The following HNF4A variants were observed in gnomAD, a reference collection of about 807,000 sequenced individuals.
HNF4A encodes the protein hepatocyte nuclear factor 4-alpha.
HNF4A carries 15 observed loss-of-function variants against 52.4 expected under a neutral mutation model. That is an observed-to-expected ratio of 0.29 (90% CI 0.19 to 0.44). The LOEUF (loss-of-function observed/expected upper bound fraction) is 0.44, where lower values mean the gene tolerates loss of function less well. HNF4A is among the 20% of genes least tolerant of loss of function. HNF4A has a pLI of 1.00. For missense variants in HNF4A, 479 were observed against 647.2 expected (o/e 0.74, Z 2.82); for synonymous variants, 280 against 264.4 (o/e 1.06, Z -0.57).
intron 2 of HNF4A, 105 bp downstream of exon 2, chr20:44,406,337 T>G: frequency 2.1e-6 from 2 of 962,756 alleles, no homozygotes; most frequent in Non-Finnish European, 3.2e-6. Context: ...CAGCTGCCCT[T>G]CAGGGCCTTC....
chr20:44,364,531 C>A (rs2062951685), intron 1 of HNF4A, among the ~76,000 whole-genome samples: 1 of 151,838 alleles, frequency 6.6e-6, no homozygotes, highest in Admixed American at 6.6e-5. Flanking sequence ...AGTGCAGCGG[C>A]ACGATCTTGG....
At chr20:44,364,431 C>T (rs934056346) in intron 1 of HNF4A, among the ~76,000 whole-genome samples, 1 of 152,214 alleles carries the variant, frequency 6.6e-6, no homozygotes, top group East Asian at 1.9e-4. Flanking sequence ...CAGTGTGTTT[C>T]AAACTGCAAT....
chr20:44,413,590 T>C (rs115013595), intron 3 of HNF4A, 104 bp from the exon 4 acceptor site: 10 of 795,602 alleles, frequency 1.3e-5, no homozygotes, highest in African/African-American at 8.5e-5. Context: ...GCCTGTTCTC[T>C]GGACACCCCC....
intron 1 of HNF4A, among the ~76,000 whole-genome samples, chr20:44,383,931 A>C (rs553887724): frequency 1.3e-5 from 2 of 151,110 alleles, no homozygotes; most frequent in Admixed American, 6.6e-5. Flanking sequence ...GCTCACTGCA[A>C]CCTCCGCCTC....
At chr20:44,382,245 C>CT (rs5841553) in intron 1 of HNF4A, among the ~76,000 whole-genome samples, 70,451 of 145,494 alleles carry the variant, frequency 0.48, 17,408 homozygotes, top group Non-Finnish European at 0.51. Flanking sequence ...TTCTTTCTTT[C>CT]TTTTTTTTTT....
At chr20:44,358,258 A>AG (rs2062879773) in intron 1 of HNF4A, among the ~76,000 whole-genome samples, 4 of 148,406 alleles carry the variant, frequency 2.7e-5, no homozygotes, top group African/African-American at 9.9e-5. Context: ...GAAAAAAAAA[A>AG]AAAAGAAAAG....
chr20:44,377,980 C>T (rs1417613949), intron 1 of HNF4A: 1 of 152,200 alleles, frequency 6.6e-6, no homozygotes, highest in East Asian at 1.9e-4. Context: ...TGCTAAATTG[C>T]TCATTCTTGA....
In HNF4A at chr20:44,401,305, G is replaced by C. The variant is rs566155738; in HGVS notation, c.-68G>C. 6.2e-7 allele frequency: 1 copy of C among 1,609,358 alleles called. No homozygotes were observed. Among genetic ancestry groups the C allele is most frequent in the African/African-American group, 1.3e-5 (1 of 74,852 alleles). On this transcript the variant is annotated 5_prime_UTR_variant, in exon 1 of 10. Coordinates refer to ENST00000316099, the MANE Select transcript of HNF4A (RefSeq NM_000457.6). ...CACTGGGAGGAGGCAGTGGGAGGGC[G>C]GAGGGCGGGGGCCTTCGGGGTGGGC... is the stretch of plus-strand genomic sequence containing the variant.
chr20:44,406,270 C>A (rs1223943811), intron 2 of HNF4A, 38 bp downstream of exon 2: 3 of 1,589,602 alleles, frequency 1.9e-6, no homozygotes, highest in Non-Finnish European at 2.6e-6. Context: ...GAAATGGGCA[C>A]ACTTGGGCTC....
Position 44,428,226 on chromosome 20 carries a change from C to T in HNF4A, c.1130-109C>T, listed in dbSNP as rs1468638393. 2.7e-6 allele frequency: 3 copies of T among 1,112,362 alleles called. No homozygotes were observed. The East Asian group carries it at 7.1e-5, about 26-fold the overall frequency. 68.9% of individuals were successfully genotyped at this position (1,112,362 alleles called of 1,614,324 possible). On this transcript the variant is annotated intron_variant, in intron 8 of 9. Coordinates refer to ENST00000316099, the MANE Select transcript of HNF4A (RefSeq NM_000457.6). The stretch of plus-strand genomic sequence containing the variant: ...AGGAATAGGTACCCAACAGGCACTG[C>T]CAATATTGGATGGGCTGGTTGATTG...
intron 1 of HNF4A, among the ~76,000 whole-genome samples, chr20:44,368,110 G>GTGTGTA (rs1205927351): frequency 2.7e-5 from 3 of 110,794 alleles, no homozygotes; most frequent in African/African-American, 1.1e-4. Context: ...GTGTGTGTGT[G>GTGTGTA]TATACATATA....
intron 1 of HNF4A, among the ~76,000 whole-genome samples, chr20:44,357,813 G>A (rs578123696): frequency 1.3e-5 from 2 of 151,114 alleles, no homozygotes; most frequent in South Asian, 2.1e-4. Flanking sequence ...AATCTCCAAG[G>A]ACAGAAGAAA....
At chr20:44,380,104 C>T (rs2063136543) in intron 1 of HNF4A, among the ~76,000 whole-genome samples, 1 of 152,000 alleles carries the variant, frequency 6.6e-6, no homozygotes, top group Non-Finnish European at 1.5e-5. Context: ...GTCTCAAACT[C>T]CTGACCTCAA....
intron 1 of HNF4A, among the ~76,000 whole-genome samples, chr20:44,395,204 C>CT (rs2063342172): frequency 6.6e-6 from 1 of 152,226 alleles, no homozygotes; most frequent in Non-Finnish European, 1.5e-5. Context: ...CCCTTTCACC[C>CT]TCTGAGGCTC....
chr20:44,394,712 GCCGA>G (rs1357462586), intron 1 of HNF4A, among the ~76,000 whole-genome samples: 1 of 152,222 alleles, frequency 6.6e-6, no homozygotes, highest in Non-Finnish European at 1.5e-5. Context: ...TTGGAGAGCA[GCCGA>G]GGTGGCCGTG....
chr20:44,414,147 T>TGGG (rs1568730910), intron 4 of HNF4A, among the ~76,000 whole-genome samples: 6 of 152,240 alleles, frequency 3.9e-5, no homozygotes, highest in Non-Finnish European at 2.9e-5. Flanking sequence ...CTTCCCTTGC[T>TGGG]GAGTGACCTT....
chr20:44,425,421 A>G (rs549015240), intron 8 of HNF4A, among the ~76,000 whole-genome samples: 5 of 152,340 alleles, frequency 3.3e-5, no homozygotes, highest in Admixed American at 6.5e-5. Flanking sequence ...AAACCTGATC[A>G]TCTATTTGGA....
chr20:44,375,357 G>T (rs1043942301), intron 1 of HNF4A, among the ~76,000 whole-genome samples: 2 of 152,086 alleles, frequency 1.3e-5, no homozygotes, highest in African/African-American at 4.8e-5. Flanking sequence ...TCTGTAGGTT[G>T]CCTGTTTACT....
At chr20:44,419,576 T>A (rs2146444128) in intron 6 of HNF4A, 145 bp from the exon 7 acceptor site, 3 of 793,842 alleles carry the variant, frequency 3.8e-6, no homozygotes, top group Non-Finnish European at 6.5e-6. Flanking sequence ...GGCCTCAGCT[T>A]CCTTACCTGT....
Sources: allele counts gnomAD v4.1 joint callset (sites outside exome capture counted in the v4.1 genomes callset), GRCh38; gene constraint gnomAD v4.1.1; transcripts MANE v1.5; gene names NCBI Gene and HGNC (gene_info 2026-07-23, HGNC 2026-07-21).